Variants in ASH1L observed in about 807,000 individuals in gnomAD.
ASH1L encodes the protein histone-lysine N-methyltransferase ASH1L.
ASH1L carries 23 observed loss-of-function variants against 269.0 expected under a neutral mutation model. The observed-to-expected ratio is 0.09, with a 90% confidence interval of 0.06 to 0.12. The LOEUF (loss-of-function observed/expected upper bound fraction) is 0.12, where lower values mean the gene tolerates loss of function less well. Ranked by LOEUF, ASH1L falls within the 10% of genes least tolerant of loss-of-function variation. The pLI is 1.00. For missense variants in ASH1L, 2,912 were observed against 3,567.8 expected, an observed-to-expected ratio of 0.82 and a Z score of 4.68; for synonymous variants, 1,187 against 1,253.5, an observed-to-expected ratio of 0.95 and a Z score of 1.12.
chr1:155,350,853 G>A (rs555146254), intron 17 of ASH1L, among the ~76,000 whole-genome samples: 6 of 151,106 alleles, frequency 4.0e-5, no homozygotes, highest in East Asian at 3.9e-4. Context: ...GCCGGGAGGC[G>A]GAGGTTGCAG....
intron 7 of ASH1L, among the ~76,000 whole-genome samples, chr1:155,388,089 A>G (rs1657590922): frequency 6.6e-6 from 1 of 152,128 alleles, no homozygotes; most frequent in Non-Finnish European, 1.5e-5. Flanking sequence ...AGAGGTGTGA[A>G]AGTTGATTAG....
At chr1:155,351,666 T>C (rs981665696) in intron 17 of ASH1L, among the ~76,000 whole-genome samples, 1 of 151,938 alleles carries the variant, frequency 6.6e-6, no homozygotes, top group Non-Finnish European at 1.5e-5. Context: ...CTGGCCAATA[T>C]GGTGAAACAC....
In ASH1L at chr1:155,480,689, T is replaced by C. The variant is rs2148727488; in HGVS notation, c.2181A>G (p.Thr727=). ...PRWTKVVARS[T]CRSPKGLELE... is the part of the protein sequence containing the mutation. The stretch of plus-strand genomic sequence containing the variant: ...ATTCTAGCCCTTTTGGAGACCGGCA[T>C]GTGCTTCTTGCCACCACTTTAGTCC... Residue 727 remains threonine, a synonymous_variant, in exon 3 of 28, where the codon ACA becomes ACG. Transcript: ENST00000392403. The C allele has an allele frequency of 1.9e-6, 3 of 1,613,840 alleles. No homozygotes were observed. Among genetic ancestry groups the C allele is most frequent in the East Asian group, 2.2e-5 (1 of 44,880 alleles).
intron 3 of ASH1L, among the ~76,000 whole-genome samples, chr1:155,460,607 C>CA (rs1169710951): frequency 2.0e-5 from 3 of 151,696 alleles, no homozygotes; most frequent in Non-Finnish European, 2.9e-5. Context: ...GACTCCATCT[C>CA]AAAAAAAAGA....
At chr1:155,358,351 C>G (rs1466257313) in intron 13 of ASH1L, among the ~76,000 whole-genome samples, 1 of 151,896 alleles carries the variant, frequency 6.6e-6, no homozygotes, top group Non-Finnish European at 1.5e-5. Flanking sequence ...AGGTGGAGTA[C>G]AGAGTAAAAA....
At chr1:155,529,311 G>C (rs972466954) in intron 1 of ASH1L, among the ~76,000 whole-genome samples, 2 of 150,970 alleles carry the variant, frequency 1.3e-5, no homozygotes, top group African/African-American at 2.4e-5. Flanking sequence ...CCCACCAATA[G>C]TGTATAAGCA....
intron 1 of ASH1L, among the ~76,000 whole-genome samples, chr1:155,539,947 T>C (rs1359703015): frequency 6.6e-6 from 1 of 151,916 alleles, no homozygotes; most frequent in African/African-American, 2.4e-5. Flanking sequence ...CACCCACCTG[T>C]AGTACCAGCT....
chr1:155,498,923 A>G (rs1156712006), intron 2 of ASH1L, among the ~76,000 whole-genome samples: 2 of 151,832 alleles, frequency 1.3e-5, no homozygotes, highest in African/African-American at 4.8e-5. Flanking sequence ...GGAGTAAAAA[A>G]AAAAAAAAAA....
intron 17 of ASH1L, among the ~76,000 whole-genome samples, chr1:155,350,056 A>AT (rs1307126092): frequency 1.3e-5 from 2 of 151,580 alleles, no homozygotes; most frequent in Admixed American, 6.6e-5. Flanking sequence ...TGCCCGGCTA[A>AT]TTTTTTGTAT....
chr1:155,417,692 C>T (rs1265389620), intron 5 of ASH1L, among the ~76,000 whole-genome samples: 2 of 152,206 alleles, frequency 1.3e-5, no homozygotes, highest in Non-Finnish European at 2.9e-5. Flanking sequence ...GGCGCAGTGG[C>T]TCACGCCTGT....
rs1665688637 is a variant in ASH1L, at chr1:155,478,031, G to C, written c.4839C>G (p.Ser1613Arg). 1 of 1,614,110 alleles carries C rather than the reference G, an allele frequency of 6.2e-7. No individual in the cohort carries two copies. Among genetic ancestry groups the C allele is most frequent in the African/African-American group, 1.3e-5 (1 of 74,942 alleles). The change falls in exon 3 of 28, where the codon AGC (serine) becomes AGG (arginine). Residue 1613 changes from serine to arginine, a missense_variant. Transcript: ENST00000392403. The surrounding 1 kb of genome is among the most constrained non-coding windows in gnomAD (Gnocchi z 4.6). ...HTNLFTSAIG[S>R]CRVSNPNSSG... ...TGGAGTTAGGGTTTGAAACTCTGCA[G>C]CTGCCTATTGCACTTGTGAAAAGGT...
intron 7 of ASH1L, among the ~76,000 whole-genome samples, chr1:155,392,039 T>C (rs2148476149): frequency 6.6e-6 from 1 of 152,190 alleles, no homozygotes; most frequent in East Asian, 1.9e-4. Flanking sequence ...CCAGTTACTG[T>C]GGGTTAACCA....
intron 5 of ASH1L, among the ~76,000 whole-genome samples, chr1:155,428,806 T>C (rs1661379456): frequency 6.6e-6 from 1 of 152,248 alleles, no homozygotes; most frequent in Non-Finnish European, 1.5e-5. Flanking sequence ...GGGATACTTT[T>C]AGTTAATCTA....
chr1:155,471,129 T>C (rs1665066361), intron 3 of ASH1L, among the ~76,000 whole-genome samples: 1 of 152,168 alleles, frequency 6.6e-6, no homozygotes, highest in Non-Finnish European at 1.5e-5. Context: ...TCAAGTCACA[T>C]CTCCATGTAC....
In ASH1L at chr1:155,370,848, G is replaced by A. The variant is rs1433574824; in HGVS notation, c.6468C>T (p.Thr2156=). The stretch of plus-strand genomic sequence containing the variant: ...ACTGCCCAGCTTTTAGGGGCTCTTT[G>A]GTTCTGATTCCCCAACCTTTTTCCT... The part of the protein sequence containing the change: ...RAEEKGWGIR[T]KEPLKAGQFI... The change falls in exon 11 of 28, where the codon ACC becomes ACT. Residue 2156 remains threonine, a synonymous_variant. Transcript: ENST00000392403. 1.9e-6 allele frequency: 3 copies of A among 1,614,040 alleles called. No individual in the cohort carries two copies. Among genetic ancestry groups the A allele is most frequent in the South Asian group, 1.1e-5 (1 of 91,068 alleles).
At chr1:155,452,294 C>T (rs1207248957) in intron 4 of ASH1L, among the ~76,000 whole-genome samples, 1 of 152,034 alleles carries the variant, frequency 6.6e-6, no homozygotes, top group African/African-American at 2.4e-5. Context: ...CCACCTCGGC[C>T]GCCCAAAGTG....
chr1:155,397,715 C>A (rs1478262294), intron 6 of ASH1L, among the ~76,000 whole-genome samples: 1 of 152,044 alleles, frequency 6.6e-6, no homozygotes, highest in Non-Finnish European at 1.5e-5. Context: ...TGGGATTACA[C>A]TATGCCTGGC....
In ASH1L at chr1:155,491,596, C is replaced by T. The variant is rs138522308; in HGVS notation, c.421-9147G>A. Among the ~76,000 whole-genome samples the T allele has an allele frequency of 3.3e-5, 5 of 152,310 alleles. No individual in the cohort carries two copies. In the East Asian group the frequency reaches 9.6e-4, roughly 29 times the overall value. On this transcript the variant is annotated intron_variant, in intron 2 of 27. Coordinates refer to ENST00000392403, the MANE Select transcript of ASH1L (RefSeq NM_018489.3). ...AAATAATTTAAACATAGTCTGATTT[C>T]ATAACTAAAGTGCTTAATCACTGCA...
At chr1:155,421,850 A>G (rs1028182851) in intron 5 of ASH1L, among the ~76,000 whole-genome samples, 1 of 152,082 alleles carries the variant, frequency 6.6e-6, no homozygotes, top group South Asian at 2.1e-4. Context: ...GGTAAAATGC[A>G]TATACCATAA....
Sources: gnomAD v4.1 joint callset for allele counts (sites outside exome capture counted in the v4.1 genomes callset) on GRCh38, gnomAD v4.1.1 for gene constraint, Gnocchi (gnomAD v3.1) non-coding constraint, MANE v1.5 for transcripts, NCBI Gene and HGNC (gene_info 2026-07-23, HGNC 2026-07-21) for gene names.